Variants in ASB15 observed in about 807,000 individuals in gnomAD.
ASB15 encodes ankyrin repeat and SOCS box containing 15, also known as ankyrin repeat and SOCS box protein 15.
ASB15 carries 54 observed loss-of-function variants against 58.0 expected under a neutral mutation model. That is an observed-to-expected ratio of 0.93 (90% confidence interval 0.75 to 1.17). The LOEUF is 1.17. ASB15 is among the 50% of genes most tolerant of loss of function. ASB15 has a pLI of 0.00. For missense variants in ASB15, 680 were observed against 707.4 expected, an observed-to-expected ratio of 0.96 and a Z score of 0.44; for synonymous variants, 249 against 262.4, an observed-to-expected ratio of 0.95 and a Z score of 0.50.
rs1045235637 is a variant in ASB15 at position 123,584,681 on chromosome 7, T to C, written c.-443+17593T>C. Among the ~76,000 whole-genome samples, 15 of 151,980 alleles carry C rather than the reference T, an allele frequency of 9.9e-5. No homozygotes were observed. The South Asian group carries it at 1.7e-3, about 17-fold the overall frequency. The stretch of plus-strand genomic sequence containing the variant: ...AAATGCAGCTGAATAAAAATAAATA[T>C]ACAAAGACTGTTAGCTTTCAATGTG... On this transcript the variant is annotated intron_variant, in intron 1 of 13. Coordinates refer to the ASB15 transcript ENST00000451558.
chr7:123,627,612 T>C (rs370879527), intron 9 of ASB15, among the ~76,000 whole-genome samples: 46 of 152,340 alleles, frequency 3.0e-4, no homozygotes, highest in African/African-American at 1.1e-3. Flanking sequence ...CTACAGTTTC[T>C]AAAAATTTTG....
At chr7:123,600,177 T>G (rs1799828545), upstream of ASB15, among the ~76,000 whole-genome samples, 1 of 152,122 alleles carries the variant, frequency 6.6e-6, no homozygotes, top group South Asian at 2.1e-4. Flanking sequence ...ATCTCAAAAA[T>G]GTAAATAATG....
rs370581049 is a variant in ASB15, at chr7:123,584,107, C to A, written c.-443+17019C>A. On this transcript the variant is annotated intron_variant, in intron 1 of 13. Transcript: ENST00000451558. ...GGTTTTAAGTATCACTAATTTATTT[C>A]TTCAGCTCAGACTTTTCTTCTAAAC... 9.2e-5 allele frequency among the ~76,000 whole-genome samples: 14 copies of A among 151,920 alleles called. No individual in the cohort carries two copies. The East Asian group carries it at 2.5e-3, about 27-fold the overall frequency.
intron 1 of ASB15, among the ~76,000 whole-genome samples, chr7:123,586,662 C>T (rs562476362): frequency 1.3e-4 from 19 of 151,746 alleles, no homozygotes; most frequent in African/African-American, 4.6e-4. Flanking sequence ...CCCCAGCCAA[C>T]CCCATTTTTC....
At position 123,629,405 on chromosome 7, in the gene ASB15, T is replaced by C. The variant is rs1802002568; in HGVS notation, c.1411T>C (p.Trp471Arg). ...SEIQEEVLPG[W>R]TSCVIKDNPF... ...GATACAGGAAGAGGTGCTGCCAGGATGGACATCTTGTGTAATAAAAGATAA... is the reference window on the plus strand; with the variant it reads ...GATACAGGAAGAGGTGCTGCCAGGACGGACATCTTGTGTAATAAAAGATAA... Residue 471 changes from tryptophan (W) to arginine (R), a missense_variant, in exon 10 of 12, where the codon TGG becomes CGG. By Grantham distance (101) the Trp-to-Arg change is moderately radical. Coordinates refer to ENST00000451215, the MANE Select transcript of ASB15 (RefSeq NM_001290258.2). The C allele has an allele frequency of 6.2e-7, 1 of 1,611,724 alleles. No homozygotes were observed. The highest frequency in any genetic ancestry group is 8.5e-7 in the Non-Finnish European group (1 of 1,179,526).
upstream of ASB15, among the ~76,000 whole-genome samples, chr7:123,597,185 G>T (rs1250100704): frequency 1.3e-5 from 2 of 152,132 alleles, no homozygotes; most frequent in Non-Finnish European, 2.9e-5. Context: ...GGGTCACCCT[G>T]CTCTGTTCTG....
rs1472060111 is a variant in ASB15 at position 123,638,501 on chromosome 7, C to T, written c.*1520C>T. On this transcript the variant is annotated 3_prime_UTR_variant, in exon 12 of 12. Transcript: ENST00000451215. ...TCATAAAAGAGGGGTCATTTTAATG[C>T]CAGAAAGTAAGATGGTCATAAATTC... 1 of 152,038 alleles carries T rather than the reference C, an allele frequency of 6.6e-6. No individual in the cohort carries two copies. Among genetic ancestry groups the T allele is most frequent in the East Asian group, 1.9e-4 (1 of 5,184 alleles). The allele number at this position is 152,038 out of a possible 1,614,324, so 9.4% of individuals were successfully genotyped here.
In ASB15 at chr7:123,637,004, TA is replaced by T. The variant is rs57233671; in HGVS notation, c.*31del. Reference sequence around the variant, plus strand: ...TAACTTAATATTTTAAAATGTGATTTAAAAAAAATGTTGAAATGTGATTCCC... The same window carrying T: ...TAACTTAATATTTTAAAATGTGATTTAAAAAAATGTTGAAATGTGATTCCC... On this transcript the variant is annotated 3_prime_UTR_variant, in exon 12 of 12. Coordinates refer to ENST00000451215, the MANE Select transcript of ASB15 (RefSeq NM_001290258.2). The T allele has an allele frequency of 4.1e-5, 60 of 1,447,166 alleles. No individual in the cohort carries two copies. The highest frequency in any genetic ancestry group is 6.2e-5 in the Admixed American group (3 of 48,354). The allele number at this position is 1,447,166 out of a possible 1,614,324, so 89.6% of individuals were successfully genotyped here.
intron 1 of ASB15, among the ~76,000 whole-genome samples, chr7:123,587,923 C>T (rs1799420670): frequency 6.6e-6 from 1 of 151,630 alleles, no homozygotes; most frequent in South Asian, 2.1e-4. Context: ...TAATGCACTG[C>T]TGAATTTGGT....
intron 7 of ASB15, among the ~76,000 whole-genome samples, chr7:123,622,059 G>A (rs985320452): frequency 2.6e-5 from 4 of 152,158 alleles, no homozygotes; most frequent in South Asian, 2.1e-4. Context: ...CTCCATTTCC[G>A]CTTTTAATCC....
chr7:123,582,365 A>T (rs1027008823), intron 1 of ASB15, among the ~76,000 whole-genome samples: 1 of 151,896 alleles, frequency 6.6e-6, no homozygotes, highest in East Asian at 1.9e-4. Context: ...CTGACAAATA[A>T]CACCACTACC....
intron 7 of ASB15, among the ~76,000 whole-genome samples, chr7:123,620,475 A>G (rs1408657300): frequency 8.6e-6 from 1 of 116,418 alleles, no homozygotes; most frequent in East Asian, 2.7e-4. Context: ...GTGGGTGTTG[A>G]TTCACCACTA....
In ASB15 at chr7:123,616,273, G is replaced by A; in HGVS notation, c.160G>A (p.Gly54Ser). ...NRKLVEAIKQ[G>S]HIPELQEYVK... ...AAAACTTGTGGAGGCCATAAAACAA[G>A]GTAAATGGGTGTACTATCTACAGTG... is the stretch of plus-strand genomic sequence containing the variant. The change falls in exon 5 of 12, where the codon GGT (glycine) becomes AGT (serine). Residue 54 changes from glycine to serine, a missense_variant and splice_region_variant. Physicochemically the swap from Gly to Ser is moderately conservative, Grantham distance 56. Coordinates refer to ENST00000451215, the MANE Select transcript of ASB15 (RefSeq NM_001290258.2). 1 of 1,610,264 alleles carries A rather than the reference G, an allele frequency of 6.2e-7. No individual in the cohort carries two copies. The highest frequency in any genetic ancestry group is 8.5e-7 in the Non-Finnish European group (1 of 1,176,740).
intron 2 of ASB15, among the ~76,000 whole-genome samples, chr7:123,607,646 C>A (rs551708251): frequency 6.6e-6 from 1 of 152,066 alleles, no homozygotes; most frequent in Non-Finnish European, 1.5e-5. Context: ...ACCACCACAT[C>A]CAATTAGTTT....
At chr7:123,611,209 G>A (rs1180352572) in intron 3 of ASB15, among the ~76,000 whole-genome samples, 4 of 152,060 alleles carry the variant, frequency 2.6e-5, no homozygotes, top group African/African-American at 7.2e-5. Context: ...TCTGAGTAGT[G>A]CTTTATAGAA....
intron 11 of ASB15, 97 bp from the exon 12 acceptor site, chr7:123,636,712 G>A: frequency 9.6e-7 from 1 of 1,041,792 alleles, no homozygotes; most frequent in Non-Finnish European, 1.4e-6. Flanking sequence ...ACATGTTTTT[G>A]AGAATACACT....
intron 1 of ASB15, among the ~76,000 whole-genome samples, chr7:123,580,491 C>G (rs367796990): frequency 6.6e-6 from 1 of 152,016 alleles, no homozygotes; most frequent in Non-Finnish European, 1.5e-5. Context: ...ACTTAACCCC[C>G]TAAGCCTTAC....
At chr7:123,609,295 C>A (rs1485408612) in intron 3 of ASB15, among the ~76,000 whole-genome samples, 2 of 152,150 alleles carry the variant, frequency 1.3e-5, no homozygotes, top group African/African-American at 4.8e-5. Context: ...TTTCTGCCAT[C>A]TTCCCAGCCT....
At chr7:123,635,091 A>G (rs1452897812) in intron 11 of ASB15, among the ~76,000 whole-genome samples, 2 of 152,232 alleles carry the variant, frequency 1.3e-5, no homozygotes, top group East Asian at 1.9e-4. Context: ...TAAAGGACAT[A>G]GCAAAAATTT....
Sources: allele counts gnomAD v4.1 joint callset (sites outside exome capture counted in the v4.1 genomes callset), GRCh38; gene constraint gnomAD v4.1.1; transcripts MANE v1.5; gene names NCBI Gene and HGNC (gene_info 2026-07-23, HGNC 2026-07-21).